Variants in RNF4 observed in about 807,000 individuals in gnomAD.
RNF4 encodes the protein ring finger protein 4, also known as E3 ubiquitin-protein ligase RNF4.
RNF4 carries 7 observed loss-of-function variants against 24.3 expected under a neutral mutation model. The ratio of observed to expected loss-of-function variants is 0.29; its 90% confidence interval spans 0.16 to 0.54. The LOEUF (loss-of-function observed/expected upper bound fraction) is 0.54, where lower values mean the gene tolerates loss of function less well. Ranked by LOEUF, RNF4 falls within the 20% of genes least tolerant of loss-of-function variation. The pLI is 0.95. For missense variants in RNF4, 209 were observed against 248.5 expected (o/e 0.84, Z 1.07); for synonymous variants, 83 against 84.3 (o/e 0.98, Z 0.09).
intron 1 of RNF4, among the ~76,000 whole-genome samples, chr4:2,487,815 AG>A (rs1427504622): frequency 1.3e-5 from 2 of 152,188 alleles, no homozygotes; most frequent in African/African-American, 4.8e-5. Flanking sequence ...GAAACAGTGA[AG>A]GGGATTTCCC....
Position 2,512,998 on chromosome 4 carries a change from T to G in RNF4, c.375-85T>G. The G allele has an allele frequency of 7.6e-7, 1 of 1,314,088 alleles. No individual in the cohort carries two copies. The highest frequency in any genetic ancestry group is 1.4e-5 in the African/African-American group (1 of 69,104). 81.4% of individuals were successfully genotyped at this position (1,314,088 alleles called of 1,614,324 possible). The stretch of plus-strand genomic sequence containing the variant: ...CAGGAGGCCAGGGACGGGACTCTTG[T>G]AGGGGATAGGGGCCACTCACGTGAC... On this transcript the variant is annotated intron_variant, in intron 6 of 7. Coordinates refer to ENST00000314289, the MANE Select transcript of RNF4 (RefSeq NM_002938.5). This position sits in a 1 kb window ranked among gnomAD's most constrained non-coding sequence, Gnocchi z 4.1.
chr4:2,495,284 T>C (rs1423844706), intron 2 of RNF4, among the ~76,000 whole-genome samples: 1 of 152,216 alleles, frequency 6.6e-6, no homozygotes, highest in East Asian at 1.9e-4. Context: ...CTTATCCCTG[T>C]TGCCTAGCGA....
chr4:2,482,630 T>C (rs1398215857), intron 1 of RNF4, among the ~76,000 whole-genome samples: 1 of 152,192 alleles, frequency 6.6e-6, no homozygotes, highest in African/African-American at 2.4e-5. Context: ...GGGATTTTGG[T>C]TGTAGCCTGA....
intron 3 of RNF4, 76 bp from the exon 4 acceptor site, chr4:2,500,583 T>A: frequency 7.0e-7 from 1 of 1,437,866 alleles, no homozygotes; most frequent in Non-Finnish European, 9.6e-7. Flanking sequence ...ACATTAGCAG[T>A]CATACTAAAG....
chr4:2,505,107 A>G (rs1472149393), intron 4 of RNF4: 1 of 152,044 alleles, frequency 6.6e-6, no homozygotes, highest in Non-Finnish European at 1.5e-5. Flanking sequence ...TCACTTTAGT[A>G]CCTAGCTCAT....
At chr4:2,477,533 C>T (rs189720884) in intron 1 of RNF4, among the ~76,000 whole-genome samples, 36 of 151,960 alleles carry the variant, frequency 2.4e-4, no homozygotes, top group East Asian at 2.3e-3. Flanking sequence ...TACAGTGAGC[C>T]GAGATCATGC....
intron 2 of RNF4, among the ~76,000 whole-genome samples, chr4:2,491,845 C>CATG (rs1365212196): frequency 6.6e-6 from 1 of 151,866 alleles, no homozygotes; most frequent in Non-Finnish European, 1.5e-5. Flanking sequence ...GCAATCCTTT[C>CATG]ACCTCAGCAT....
chr4:2,479,586 C>T (rs765199370), intron 1 of RNF4, among the ~76,000 whole-genome samples: 3 of 152,164 alleles, frequency 2.0e-5, no homozygotes, highest in African/African-American at 4.8e-5. Context: ...CCGCCATCCA[C>T]GTAAGACGGG....
intron 2 of RNF4, among the ~76,000 whole-genome samples, chr4:2,495,639 T>TGGA (rs1553878658): frequency 7.5e-6 from 1 of 132,752 alleles, no homozygotes; most frequent in Non-Finnish European, 1.6e-5. Flanking sequence ...CTTTTTTTTT[T>TGGA]GGGGGGGGGT....
intron 4 of RNF4, among the ~76,000 whole-genome samples, chr4:2,509,533 A>G (rs1006536809): frequency 2.0e-5 from 3 of 152,130 alleles, no homozygotes; most frequent in East Asian, 1.9e-4. Flanking sequence ...TGTTGTTCTT[A>G]TACTGAAGAC....
At chr4:2,479,259 T>C (rs770881743) in intron 1 of RNF4, among the ~76,000 whole-genome samples, 15 of 152,236 alleles carry the variant, frequency 9.9e-5, no homozygotes, top group Non-Finnish European at 1.8e-4. Flanking sequence ...TGGAAGGGAC[T>C]TGCCTTGTCT....
intron 4 of RNF4, among the ~76,000 whole-genome samples, chr4:2,507,165 G>T (rs186490781): frequency 6.6e-6 from 1 of 151,310 alleles, no homozygotes; most frequent in Non-Finnish European, 1.5e-5. Context: ...TCTGTAGAAA[G>T]GATGCTTGAT....
chr4:2,512,018 G>A lies in RNF4; in HGVS notation c.214+53G>A. ...GGGTTTGGAGAGGAAACTGGCATAG[G>A]TGAGAGCCGCGGTGCTGCAGGTCTT... On this transcript the variant is annotated intron_variant, in intron 5 of 7. Coordinates refer to ENST00000314289, the MANE Select transcript of RNF4 (RefSeq NM_002938.5). The surrounding 1 kb of genome is among the most constrained non-coding windows in gnomAD (Gnocchi z 4.1). 1 of 1,566,944 alleles carries A rather than the reference G, an allele frequency of 6.4e-7. No homozygotes were observed. Among genetic ancestry groups the A allele is most frequent in the Non-Finnish European group, 8.7e-7 (1 of 1,146,792 alleles).
chr4:2,512,785 G>A lies in RNF4; in HGVS notation c.374+188G>A, dbSNP rs1260142640. 6.6e-6 allele frequency among the ~76,000 whole-genome samples: 1 copy of A among 152,204 alleles called. No individual in the cohort carries two copies. Among genetic ancestry groups the A allele is most frequent in the Non-Finnish European group, 1.5e-5 (1 of 68,028 alleles). On this transcript the variant is annotated intron_variant, in intron 6 of 7. Coordinates refer to ENST00000314289, the MANE Select transcript of RNF4 (RefSeq NM_002938.5). The surrounding 1 kb of genome is among the most constrained non-coding windows in gnomAD (Gnocchi z 4.1). ...GCTATTCCCACTGTAACCAGAGGAT[G>A]CCAAGCGCTGACACAGTGTGTGCAG...
At chr4:2,469,966 G>A (rs1414715045) in intron 1 of RNF4, 1 of 152,320 alleles carries the variant, frequency 6.6e-6, no homozygotes, top group Non-Finnish European at 1.5e-5. Flanking sequence ...AAACAGAGTT[G>A]CTAGTAAACA....
chr4:2,488,812 T>TTTA (rs1553877971), intron 1 of RNF4, among the ~76,000 whole-genome samples: 30,075 of 151,828 alleles, frequency 0.2, 3,418 homozygotes, highest in Middle Eastern at 0.31. Context: ...TATTTTCATT[T>TTTA]TTTATTTATT....
At chr4:2,482,777 C>T (rs1735280308) in intron 1 of RNF4, among the ~76,000 whole-genome samples, 1 of 152,180 alleles carries the variant, frequency 6.6e-6, no homozygotes, top group Non-Finnish European at 1.5e-5. Context: ...CCTCTTGTCC[C>T]TGCAAACCTT....
intron 1 of RNF4, among the ~76,000 whole-genome samples, chr4:2,481,881 G>T (rs565998437): frequency 6.6e-6 from 1 of 152,172 alleles, no homozygotes; most frequent in East Asian, 1.9e-4. Flanking sequence ...CTAAGTTTTT[G>T]TATTTTTTTG....
intron 1 of RNF4, among the ~76,000 whole-genome samples, chr4:2,483,548 A>G (rs1459697881): frequency 1.3e-5 from 2 of 152,178 alleles, no homozygotes; most frequent in African/African-American, 4.8e-5. Context: ...TCACACCTAT[A>G]ATCCCAGCAC....
Sources: allele counts gnomAD v4.1 joint callset (sites outside exome capture counted in the v4.1 genomes callset), GRCh38; gene constraint gnomAD v4.1.1; non-coding constraint Gnocchi (gnomAD v3.1); transcripts MANE v1.5; gene names NCBI Gene and HGNC (gene_info 2026-07-23, HGNC 2026-07-21).